The following ABCA13 variants were observed in gnomAD, a reference collection of about 807,000 sequenced individuals.
ABCA13 encodes the protein ATP-binding cassette sub-family A member 13.
Under a neutral mutation model 478.7 loss-of-function variants are expected in ABCA13, and 476 were observed. The observed-to-expected ratio is 0.99, with a 90% CI of 0.92 to 1.07. The LOEUF is 1.07. ABCA13 is among the 50% of genes least tolerant of loss of function. ABCA13 has a pLI of 0.00. For synonymous variants in ABCA13, 2,252 were observed against 2,158.9 expected (o/e 1.04, Z -1.20); for missense variants, 6,060 against 5,910.6 (o/e 1.03, Z -0.83).
chr7:48,627,593 A>T (rs139346108), intron 59 of ABCA13, among the ~76,000 whole-genome samples: 2 of 152,178 alleles, frequency 1.3e-5, no homozygotes, highest in Non-Finnish European at 2.9e-5. Flanking sequence ...TACGTATTTT[A>T]TAGTATTTTG....
At chr7:48,577,288 A>G (rs1251280212) in intron 55 of ABCA13, among the ~76,000 whole-genome samples, 1 of 152,104 alleles carries the variant, frequency 6.6e-6, no homozygotes, top group Non-Finnish European at 1.5e-5. Context: ...CAATGAAACT[A>G]AAAGCTGAAA....
chr7:48,542,703 A>G (rs1030684176), intron 55 of ABCA13, among the ~76,000 whole-genome samples: 2 of 151,670 alleles, frequency 1.3e-5, no homozygotes, highest in Non-Finnish European at 3.0e-5. Context: ...AGATAATACC[A>G]TGTTGCTGAA....
chr7:48,367,682 A>G, intron 31 of ABCA13, 112 bp from the exon 32 acceptor site: 1 of 797,332 alleles, frequency 1.3e-6, no homozygotes. Context: ...TGTAGAAATG[A>G]CCAAAGGAGA....
chr7:48,573,447 G>A (rs956799424), intron 55 of ABCA13, among the ~76,000 whole-genome samples: 9 of 152,086 alleles, frequency 5.9e-5, no homozygotes, highest in Non-Finnish European at 1.2e-4. Context: ...TGTAATCCCA[G>A]TGCTCTGGGA....
intron 59 of ABCA13, among the ~76,000 whole-genome samples, chr7:48,638,844 G>A (rs984645978): frequency 1.3e-5 from 2 of 152,134 alleles, no homozygotes; most frequent in African/African-American, 4.8e-5. Flanking sequence ...TGAAATTATT[G>A]ATGTGAAAGT....
intron 35 of ABCA13, among the ~76,000 whole-genome samples, chr7:48,378,206 T>C (rs1203778673): frequency 6.6e-6 from 1 of 152,144 alleles, no homozygotes; most frequent in Non-Finnish European, 1.5e-5. Flanking sequence ...GGGAGTAGAC[T>C]CATGGAGGAA....
intron 13 of ABCA13, 78 bp from the exon 14 acceptor site, chr7:48,248,161 A>C: frequency 8.2e-7 from 1 of 1,222,882 alleles, no homozygotes; most frequent in Non-Finnish European, 1.2e-6. Context: ...TTAGTGATAC[A>C]GGGTCAAGGC....
At chr7:48,506,276 A>G in intron 48 of ABCA13, 60 bp from the exon 49 acceptor site, 2 of 1,544,934 alleles carry the variant, frequency 1.3e-6, no homozygotes, top group Non-Finnish European at 1.8e-6. Flanking sequence ...CCTGTAGATG[A>G]GCTGCGATTC....
chr7:48,582,397 T>C (rs1218922499), intron 56 of ABCA13, among the ~76,000 whole-genome samples: 1 of 152,208 alleles, frequency 6.6e-6, no homozygotes, highest in Admixed American at 6.5e-5. Flanking sequence ...ATGGGGCTCC[T>C]CCTGCTGCCT....
chr7:48,489,203 G>A (rs375784363), intron 47 of ABCA13, 33 bp from the exon 48 acceptor site: 130 of 1,526,348 alleles, frequency 8.5e-5, no homozygotes, highest in Non-Finnish European at 1.1e-4. Flanking sequence ...AGCTAATTTC[G>A]TGAGAGCCAT....
chr7:48,180,568 C>T (rs1795545863), intron 1 of ABCA13, among the ~76,000 whole-genome samples: 1 of 151,994 alleles, frequency 6.6e-6, no homozygotes. Context: ...TTACAGGTGC[C>T]ACCCATCATG....
intron 29 of ABCA13, among the ~76,000 whole-genome samples, chr7:48,339,065 A>G (rs1806714087): frequency 1.3e-5 from 2 of 152,132 alleles, no homozygotes; most frequent in African/African-American, 4.8e-5. Flanking sequence ...CCTGCCAGAG[A>G]AGCTCTCAGG....
At chr7:48,617,797 G>T (rs1052798025) in intron 59 of ABCA13, among the ~76,000 whole-genome samples, 2 of 152,144 alleles carry the variant, frequency 1.3e-5, no homozygotes, top group Non-Finnish European at 1.5e-5. Flanking sequence ...GCTTGCACCT[G>T]CTACGTCAGT....
chr7:48,366,756 A>T (rs980249019), intron 31 of ABCA13, among the ~76,000 whole-genome samples: 1 of 152,160 alleles, frequency 6.6e-6, no homozygotes, highest in Non-Finnish European at 1.5e-5. Flanking sequence ...TCCATTCATG[A>T]GTGTGGAGAC....
At chr7:48,215,075 A>G (rs1019180504) in intron 3 of ABCA13, among the ~76,000 whole-genome samples, 1 of 152,170 alleles carries the variant, frequency 6.6e-6, no homozygotes, top group African/African-American at 2.4e-5. Flanking sequence ...AGATTGTGCT[A>G]CTGCTCTCCA....
At chr7:48,295,514 A>G (rs1043868357) in intron 20 of ABCA13, among the ~76,000 whole-genome samples, 186 bp from the exon 21 acceptor site, 2 of 152,228 alleles carry the variant, frequency 1.3e-5, no homozygotes, top group African/African-American at 4.8e-5. Context: ...GCTGGCTAAC[A>G]GCGGAGCCAG....
chr7:48,594,593 C>A (rs1790095120), intron 57 of ABCA13, 117 bp from the exon 58 acceptor site: 2 of 878,726 alleles, frequency 2.3e-6, no homozygotes, highest in Non-Finnish European at 3.7e-6. Context: ...GGAGAGGTGT[C>A]TTTTAGAGCC....
At chr7:48,455,516 C>A (rs1473261795) in intron 43 of ABCA13, among the ~76,000 whole-genome samples, 1 of 152,182 alleles carries the variant, frequency 6.6e-6, no homozygotes, top group African/African-American at 2.4e-5. Context: ...GAATCCTGAG[C>A]CCCTGACCCC....
chr7:48,479,787 C>G (rs1485870167), intron 45 of ABCA13, among the ~76,000 whole-genome samples: 1 of 152,154 alleles, frequency 6.6e-6, no homozygotes, highest in Non-Finnish European at 1.5e-5. Context: ...TTCCTCAAGC[C>G]TTTCTTTCAA....
Sources: gnomAD v4.1 joint callset for allele counts (sites outside exome capture counted in the v4.1 genomes callset) on GRCh38, gnomAD v4.1.1 for gene constraint, MANE v1.5 for transcripts, NCBI Gene and HGNC (gene_info 2026-07-23, HGNC 2026-07-21) for gene names.